The following ANKS3 variants were observed in gnomAD, a reference collection of about 807,000 sequenced individuals.
The protein encoded by ANKS3 is ankyrin repeat and SAM domain-containing protein 3.
Under a neutral mutation model 80.7 loss-of-function variants are expected in ANKS3, and 62 were observed. That is an observed-to-expected ratio of 0.77 (90% CI 0.63 to 0.95). The LOEUF is 0.95. Among genes scored for constraint, ANKS3 ranks in the 40% least tolerant of loss-of-function variants. The pLI is 0.00. For missense variants in ANKS3, 1,150 were observed against 883.6 expected (o/e 1.30, Z -3.82); for synonymous variants, 489 against 355.3 (o/e 1.38, Z -4.23).
chr16:4,713,807 A>G (rs1032405204), intron 7 of ANKS3, among the ~76,000 whole-genome samples: 2 of 152,234 alleles, frequency 1.3e-5, no homozygotes, highest in Non-Finnish European at 1.5e-5. Flanking sequence ...TCGGTAGTCA[A>G]GCATACTACA....
intron 11 of ANKS3, chr16:4,699,414 C>A: frequency 1.8e-6 from 1 of 556,088 alleles, no homozygotes; most frequent in Admixed American, 3.1e-5. Flanking sequence ...TCACCAGAAA[C>A]TGGCCTCCTC....
chr16:4,700,762 C>T (rs2079853638), intron 11 of ANKS3: 1 of 778,808 alleles, frequency 1.3e-6, no homozygotes, highest in Non-Finnish European at 2.3e-6. Flanking sequence ...AGGTCCTTTC[C>T]GTGGAGAGGA....
intron 9 of ANKS3, chr16:4,701,802 T>C: frequency 6.0e-6 from 3 of 502,708 alleles, no homozygotes; most frequent in Non-Finnish European, 1.1e-5. Context: ...AAACAGCTGC[T>C]GCACGGAGGT....
Position 4,705,113 on chromosome 16 carries a change from C to T in ANKS3, c.850G>A (p.Ala284Thr). The T allele has an allele frequency of 6.2e-7, 1 of 1,612,750 alleles. No individual in the cohort carries two copies. Residue 284 changes from alanine to threonine, a missense_variant, in exon 8 of 18, where the codon GCC (alanine) becomes ACC (threonine). Transcript: ENST00000304283. ...CACTCACCATAGCGAGGCCGTGGGG[C>T]TCTGCCGCCCAGGCCAATGCCTGTG... ...RITGIGLGGR[A>T]PRPRYEQAPP...
intron 5 of ANKS3, among the ~76,000 whole-genome samples, chr16:4,725,449 A>C (rs1395411296): frequency 6.6e-6 from 1 of 152,200 alleles, no homozygotes; most frequent in Non-Finnish European, 1.5e-5. Flanking sequence ...TCAAGTCAGA[A>C]AACATCTTTA....
rs1000615315 is a variant in ANKS3, at chr16:4,724,609, C to A, written c.573+141G>T. 2.6e-5 allele frequency: 20 copies of A among 781,392 alleles called. No homozygotes were observed. The Admixed American group carries it at 4.3e-4, about 17-fold the overall frequency. 48.4% of individuals were successfully genotyped at this position (781,392 alleles called of 1,614,324 possible). ...CTAAGCACCACTCAACACCGGGCGT[C>A]AATAGATAATGAAAATGTGTTGAAT... is the stretch of plus-strand genomic sequence containing the variant. On this transcript the variant is annotated intron_variant, in intron 6 of 17. Coordinates refer to ENST00000304283, the MANE Select transcript of ANKS3 (RefSeq NM_133450.4).
At chr16:4,708,905 C>G (rs1270060064) in intron 7 of ANKS3, among the ~76,000 whole-genome samples, 2 of 151,270 alleles carry the variant, frequency 1.3e-5, no homozygotes, top group Non-Finnish European at 2.9e-5. Context: ...CGCCACTGCA[C>G]TCCAGCCTGG....
intron 9 of ANKS3, 102 bp downstream of exon 9, chr16:4,702,000 T>C: frequency 1.5e-6 from 2 of 1,374,724 alleles, no homozygotes; most frequent in South Asian, 1.5e-5. Flanking sequence ...CTCTGCTGGA[T>C]GGCTGTGTCC....
Position 4,727,000 on chromosome 16 carries a change from G to C in ANKS3, c.348C>G (p.Ser116Arg), listed in dbSNP as rs1229934867. The C allele has an allele frequency of 2.5e-6, 4 of 1,614,056 alleles. No homozygotes were observed. The highest frequency in any genetic ancestry group is 1.1e-5 in the South Asian group (1 of 91,094). The change falls in exon 4 of 18, where the codon AGC becomes AGG. Residue 116 changes from serine (S) to arginine (R), a missense_variant. By Grantham distance (110) the Ser-to-Arg change is moderately radical (BLOSUM62 -1). Transcript: ENST00000304283. ...TCACCTGGAGAAGAAAGTAGGCGAT[G>C]CTCTCGTTGCCACAGCTGGAGGCCA... ...LMLASSCGNE[S>R]IAYFLLQQGA...
At chr16:4,729,799 A>G in intron 3 of ANKS3, 181 bp downstream of exon 3, 1 of 537,064 alleles carries the variant, frequency 1.9e-6, no homozygotes, top group Non-Finnish European at 3.0e-6. Flanking sequence ...TCCTAGGAAT[A>G]AAAACGGCCT....
intron 8 of ANKS3, among the ~76,000 whole-genome samples, chr16:4,704,172 G>T (rs527577937): frequency 6.6e-6 from 1 of 152,322 alleles, no homozygotes; most frequent in African/African-American, 2.4e-5. Context: ...CAGGATGATG[G>T]GAGAAGGTGG....
In ANKS3 at chr16:4,707,551, G is replaced by A. The variant is rs183947189; in HGVS notation, c.710-2298C>T. ...CCCGCCTTGGCCTCCCAAAGTGCTC[G>A]GATTACAGGTATGGGCCATGCCCAG... On this transcript the variant is annotated intron_variant, in intron 7 of 17. Transcript: ENST00000304283. 3.3e-3 allele frequency among the ~76,000 whole-genome samples: 502 copies of A among 152,116 alleles called. 1 individual carries two copies. Among genetic ancestry groups the A allele is most frequent in the African/African-American group, 0.012 (481 of 41,488 alleles).
chr16:4,730,135 G>C lies in ANKS3; in HGVS notation c.15C>G (p.Ser5Arg), dbSNP rs751093171. MSEL[S>R]DEASEPELLN... ...GGAGTTCCGGCTCGCTGGCTTCATC[G>C]CTGAGCTCGGACATCACTGAGGAGG... The change falls in exon 3 of 18, where the codon AGC (serine) becomes AGG (arginine). Residue 5 changes from serine (S) to arginine (R), a missense_variant. Coordinates refer to ENST00000304283, the MANE Select transcript of ANKS3 (RefSeq NM_133450.4). The C allele has an allele frequency of 6.4e-7, 1 of 1,571,094 alleles. No individual in the cohort carries two copies. Among genetic ancestry groups the C allele is most frequent in the Admixed American group, 1.8e-5 (1 of 56,746 alleles).
At position 4,698,878 on chromosome 16, in the gene ANKS3, T is replaced by A; in HGVS notation, c.1473A>T (p.Pro491=). ...AGGCCAGCTCCAGGGCATCCCCGGG[T>A]GGGCGGGCACTGCTGTGCCAGCGGG... is the stretch of plus-strand genomic sequence containing the variant. ...AIARWHSSAR[P]PGDALELAYA... Residue 491 remains proline, a synonymous_variant, in exon 13 of 18, where the codon CCA becomes CCT. Coordinates refer to ENST00000304283, the MANE Select transcript of ANKS3 (RefSeq NM_133450.4). 6.2e-7 allele frequency: 1 copy of A among 1,601,246 alleles called. No individual in the cohort carries two copies.
chr16:4,723,004 G>C (rs993760326), intron 6 of ANKS3, among the ~76,000 whole-genome samples: 2 of 151,624 alleles, frequency 1.3e-5, no homozygotes, highest in Non-Finnish European at 2.9e-5. Context: ...CAATTCACCC[G>C]CCAGATTGAC....
rs1009708671 is a variant in ANKS3 at position 4,734,090 on chromosome 16, G to A, written c.-223C>T. The A allele has an allele frequency of 2.2e-5, 21 of 940,194 alleles. No homozygotes were observed. In the East Asian group the frequency reaches 1.0e-3, roughly 47 times the overall value. The allele number at this position is 940,194 out of a possible 1,614,324, so 58.2% of individuals were successfully genotyped here. A position where few individuals can be genotyped will look rare whatever the true frequency, so the allele number is the denominator to read the frequency against. ...CGAGCAAGTGCAGCGCGGGACGCCC[G>A]AGCGCCGGGTCTAGGCGGGCTGCAG... On this transcript the variant is annotated 5_prime_UTR_variant, in exon 1 of 18. Transcript: ENST00000304283.
chr16:4,714,474 C>G (rs1333324530), intron 6 of ANKS3, among the ~76,000 whole-genome samples: 1 of 152,214 alleles, frequency 6.6e-6, no homozygotes. Flanking sequence ...TGCGGAGATC[C>G]CAGCCTTCAC....
Position 4,697,365 on chromosome 16 carries a change from G to A in ANKS3, c.1862C>T (p.Ser621Leu), listed in dbSNP as rs774629833. Residue 621 changes from serine to leucine, a missense_variant, in exon 16 of 18, where the codon TCG becomes TTG. Coordinates refer to ENST00000304283, the MANE Select transcript of ANKS3 (RefSeq NM_133450.4). ...ACGGACACGGTCCTCCAGGGCTCCC[G>A]AGAGCTCGGGGAGGCTCATGGCCTG... ...SLQAMSLPEL[S>L]GALEDRVREM... 1.6e-5 allele frequency: 26 copies of A among 1,609,862 alleles called. No individual in the cohort carries two copies. The highest frequency in any genetic ancestry group is 5.5e-5 in the South Asian group (5 of 90,928).
chr16:4,721,637 TA>T (rs1567417885), intron 6 of ANKS3, among the ~76,000 whole-genome samples: 1 of 149,762 alleles, frequency 6.7e-6, no homozygotes, highest in East Asian at 2.0e-4. Flanking sequence ...TTTATTTATT[TA>T]TTTATTTATT....
Sources: allele counts gnomAD v4.1 joint callset (sites outside exome capture counted in the v4.1 genomes callset), GRCh38; gene constraint gnomAD v4.1.1; transcripts MANE v1.5; gene names NCBI Gene and HGNC (gene_info 2026-07-23, HGNC 2026-07-21).